The following RRM2 variants were observed in gnomAD, a reference collection of about 807,000 sequenced individuals.
The protein encoded by RRM2 is ribonucleoside-diphosphate reductase subunit M2.
RRM2 carries 6 observed loss-of-function variants against 45.9 expected under a neutral mutation model. The ratio of observed to expected loss-of-function variants is 0.13; its 90% confidence interval spans 0.07 to 0.26. The LOEUF (loss-of-function observed/expected upper bound fraction) is 0.26. Ranked by LOEUF, RRM2 falls within the 10% of genes least tolerant of loss-of-function variation. RRM2 has a pLI of 1.00. For missense variants in RRM2, 343 were observed against 489.5 expected (o/e 0.70, Z 2.82); for synonymous variants, 177 against 173.0 (o/e 1.02, Z -0.18).
upstream of RRM2, among the ~76,000 whole-genome samples, chr2:10,141,178 TG>T (rs1663072639): frequency 1.3e-5 from 2 of 152,160 alleles, no homozygotes; most frequent in African/African-American, 2.4e-5. Context: ...GGTCGGCCAA[TG>T]GGGGCCATTC....
chr2:10,122,983 C>T lies in RRM2; in HGVS notation c.100C>T (p.Pro34Ser). Residue 34 changes from proline (P) to serine (S), a missense_variant and splice_region_variant, in exon 2 of 10, where the codon CCG becomes TCG. By Grantham distance (74) the Pro-to-Ser change is moderately conservative. This residue lies in a region of RRM2 where 131 missense variants were observed against 121.4 expected (regional missense o/e 1.08). Transcript: ENST00000304567. ...CTCACTCACACGCGTCTCCCCGCAG[C>T]CGCCGGCCCTGAGCGGGACCCGCGT... ...GLSLVDKENT[P>S]PALSGTRVLA... The T allele has an allele frequency of 6.4e-7, 1 of 1,553,920 alleles. No individual in the cohort carries two copies.
intron 3 of RRM2, among the ~76,000 whole-genome samples, chr2:10,207,395 C>G (rs1664683081): frequency 6.6e-6 from 1 of 152,196 alleles, no homozygotes; most frequent in African/African-American, 2.4e-5. Flanking sequence ...GAGGCTCTCT[C>G]TTTGAATGGC....
At chr2:10,123,346 G>A (rs1161698202) in intron 2 of RRM2, 41 bp from the exon 3 acceptor site, 2 of 1,571,706 alleles carry the variant, frequency 1.3e-6, no homozygotes, top group Middle Eastern at 1.9e-4. Context: ...GTTTCATATG[G>A]TTCGCCCGGT....
Position 10,122,909 on chromosome 2 carries a change from G to A in RRM2, c.99+12G>A, listed in dbSNP as rs779036691. ...ACAAGGAGAACACGGTGAGCCCGCG[G>A]GGAGGGCGCTGCGGGCAGGGGAGGG... On this transcript the variant is annotated intron_variant, in intron 1 of 9. Transcript: ENST00000304567. The A allele has an allele frequency of 6.4e-7, 1 of 1,570,490 alleles. No homozygotes were observed. Among genetic ancestry groups the A allele is most frequent in the South Asian group, 1.2e-5 (1 of 86,378 alleles).
At chr2:10,136,875 G>A (rs1662997591), upstream of RRM2, among the ~76,000 whole-genome samples, 1 of 152,178 alleles carries the variant, frequency 6.6e-6, no homozygotes, top group Admixed American at 6.5e-5. Context: ...TGAGGGGTGG[G>A]TAGAAGGGAG....
At position 10,171,107 on chromosome 2, in the gene RRM2, T is replaced by C. The variant is rs1188068043; in HGVS notation, n.482+28732T>C. On this transcript the variant is annotated intron_variant and non_coding_transcript_variant, in intron 3 of 3. Coordinates refer to the RRM2 transcript ENST00000381786. This position sits in a 1 kb window ranked among gnomAD's most constrained non-coding sequence, Gnocchi z 4.1. ...CACTCATCATTATAGGCTGCGCCAC[T>C]CATTATAGGCTGCGGGGCCTGCACA... 1.3e-5 allele frequency among the ~76,000 whole-genome samples: 2 copies of C among 152,068 alleles called. No individual in the cohort carries two copies. Among genetic ancestry groups the C allele is most frequent in the Admixed American group, 1.3e-4 (2 of 15,272 alleles).
rs962925181 is a variant in RRM2, at chr2:10,195,396, C to T, written n.483-14915C>T. 7.9e-5 allele frequency among the ~76,000 whole-genome samples: 12 copies of T among 151,772 alleles called. No homozygotes were observed. Among genetic ancestry groups the T allele is most frequent in the African/African-American group, 2.7e-4 (11 of 41,304 alleles). On this transcript the variant is annotated intron_variant and non_coding_transcript_variant, in intron 3 of 3. Transcript: ENST00000381786. The surrounding 1 kb of genome is among the most constrained non-coding windows in gnomAD (Gnocchi z 4.9). ...AGGGCCTCTGAGCGGACAGTGCTGG[C>T]GGAGCCCTGGGGAGCACCGAGTCCC...
chr2:10,194,736 C>T (rs1664378416), intron 3 of RRM2, among the ~76,000 whole-genome samples: 1 of 152,232 alleles, frequency 6.6e-6, no homozygotes, highest in African/African-American at 2.4e-5. Flanking sequence ...CCTGCTGGGG[C>T]TCTACGGGGG....
At chr2:10,167,852 C>T (rs1328314046) in intron 3 of RRM2, among the ~76,000 whole-genome samples, 1 of 152,130 alleles carries the variant, frequency 6.6e-6, no homozygotes, top group East Asian at 1.9e-4. Flanking sequence ...TTAATAAGCC[C>T]TTAGGTCAAA....
intron 3 of RRM2, among the ~76,000 whole-genome samples, chr2:10,147,691 A>G (rs1233385939): frequency 6.6e-6 from 1 of 152,240 alleles, no homozygotes; most frequent in South Asian, 2.1e-4. Context: ...GTTTCCTACT[A>G]AAAACACTTA....
At chr2:10,123,618 G>A (rs771930241) in intron 3 of RRM2, 88 bp downstream of exon 3, 333 of 1,518,682 alleles carry the variant, frequency 2.2e-4, no homozygotes, top group Non-Finnish European at 2.9e-4. Flanking sequence ...TGGCAAGGGG[G>A]GCTAACTGTG....
At chr2:10,202,522 C>T (rs949728528) in intron 3 of RRM2, among the ~76,000 whole-genome samples, 9 of 152,268 alleles carry the variant, frequency 5.9e-5, no homozygotes, top group Non-Finnish European at 8.8e-5. Context: ...AGGGTATTTA[C>T]GGGTTTAGGG....
chr2:10,124,425 G>A (rs1045259067), intron 4 of RRM2, among the ~76,000 whole-genome samples: 3 of 152,090 alleles, frequency 2.0e-5, no homozygotes, highest in Middle Eastern at 3.2e-3. Flanking sequence ...CCTTTTTGTG[G>A]CTTTGCTGTT....
chr2:10,123,195 C>T, intron 2 of RRM2, 138 bp downstream of exon 2: 8 of 1,281,048 alleles, frequency 6.2e-6, no homozygotes, highest in African/African-American at 1.5e-5. Flanking sequence ...AGGGCTGCCT[C>T]CCGCGCCCCT....
rs562806509 is a variant in RRM2, at chr2:10,204,827, G to A, written n.483-5484G>A. On this transcript the variant is annotated intron_variant and non_coding_transcript_variant, in intron 3 of 3. Transcript: ENST00000381786. The surrounding 1 kb of genome is among the most constrained non-coding windows in gnomAD (Gnocchi z 4.0). Reference sequence around the variant, plus strand: ...GGGTGGCACTGAACGCCGAGGCCACGGCCCGTCCTGATGTGGTCAGAGATG... The same window carrying A: ...GGGTGGCACTGAACGCCGAGGCCACAGCCCGTCCTGATGTGGTCAGAGATG... Among the ~76,000 whole-genome samples the A allele has an allele frequency of 2.0e-5, 3 of 152,194 alleles. No individual in the cohort carries two copies. The highest frequency in any genetic ancestry group is 6.5e-5 in the Admixed American group (1 of 15,284).
chr2:10,187,435 G>A (rs1258996394), intron 3 of RRM2, among the ~76,000 whole-genome samples: 5 of 152,242 alleles, frequency 3.3e-5, no homozygotes, highest in African/African-American at 1.2e-4. Context: ...GAAGGAGAAG[G>A]TGGCCCGGGG....
At chr2:10,157,651 C>T (rs1165728170) in intron 3 of RRM2, among the ~76,000 whole-genome samples, 1 of 152,182 alleles carries the variant, frequency 6.6e-6, no homozygotes, top group Non-Finnish European at 1.5e-5. Context: ...GACTGTGTTG[C>T]AGGTAGCTGT....
chr2:10,136,052 C>T (rs1662984548), downstream of RRM2, among the ~76,000 whole-genome samples: 1 of 152,132 alleles, frequency 6.6e-6, no homozygotes. Context: ...GCTCTACTGG[C>T]AATTGCTTGA....
intron 3 of RRM2, among the ~76,000 whole-genome samples, chr2:10,190,563 GTGA>G (rs1322968700): frequency 6.6e-6 from 1 of 151,110 alleles, no homozygotes; most frequent in African/African-American, 2.4e-5. Flanking sequence ...GATGGTGGTG[GTGA>G]TGATGGTGAT....
Sources: allele counts gnomAD v4.1 joint callset (sites outside exome capture counted in the v4.1 genomes callset), GRCh38; gene constraint gnomAD v4.1.1; regional missense constraint gnomAD v4.1.1; non-coding constraint Gnocchi (gnomAD v3.1); transcripts MANE v1.5; gene names NCBI Gene and HGNC (gene_info 2026-07-23, HGNC 2026-07-21).